Variants in TCEA1 observed in about 807,000 individuals in gnomAD.
TCEA1 encodes the protein transcription elongation factor A protein 1.
Under a neutral mutation model 43.8 loss-of-function variants are expected in TCEA1, and 21 were observed. That is an observed-to-expected ratio of 0.48 (90% CI 0.34 to 0.69). TCEA1 has a LOEUF of 0.69. TCEA1 is among the 30% of genes least tolerant of loss of function. TCEA1 has a pLI of 0.01. For missense variants in TCEA1, 250 were observed against 365.1 expected, an observed-to-expected ratio of 0.68 and a Z score of 2.57; for synonymous variants, 104 against 117.5, an observed-to-expected ratio of 0.88 and a Z score of 0.75.
At chr8:54,001,977 TAA>T (rs57672283) in intron 2 of TCEA1, among the ~76,000 whole-genome samples, 8 of 138,666 alleles carry the variant, frequency 5.8e-5, no homozygotes, top group African/African-American at 1.3e-4. Flanking sequence ...CTGTCTCTAC[TAA>T]AAAAAAAAAA....
At chr8:54,012,421 G>T (rs112558123) in intron 1 of TCEA1, among the ~76,000 whole-genome samples, 1 of 152,042 alleles carries the variant, frequency 6.6e-6, no homozygotes, top group African/African-American at 2.4e-5. Context: ...TTAGCTGGGC[G>T]TGGTGGCGGG....
At chr8:53,989,067 C>CAA (rs1012319832) in intron 4 of TCEA1, among the ~76,000 whole-genome samples, 8 of 136,002 alleles carry the variant, frequency 5.9e-5, no homozygotes, top group Non-Finnish European at 9.6e-5. Context: ...GACTCCACCT[C>CAA]AAAAAAAAAA....
At chr8:54,003,381 C>A (rs1385185298) in intron 2 of TCEA1, among the ~76,000 whole-genome samples, 1 of 152,048 alleles carries the variant, frequency 6.6e-6, no homozygotes, top group South Asian at 2.1e-4. Context: ...AAAGTCCATA[C>A]AGAAATGCAA....
At chr8:54,014,625 C>T (rs1431652232) in intron 1 of TCEA1, among the ~76,000 whole-genome samples, 1 of 152,186 alleles carries the variant, frequency 6.6e-6, no homozygotes, top group South Asian at 2.1e-4. Flanking sequence ...GTTGGTGCTC[C>T]TATCTGGTAA....
chr8:53,990,031 A>G (rs1190843954), intron 4 of TCEA1, among the ~76,000 whole-genome samples: 3 of 152,158 alleles, frequency 2.0e-5, no homozygotes, highest in Non-Finnish European at 4.4e-5. Flanking sequence ...CCCAGGGTCT[A>G]CAAAAAGAGT....
intron 2 of TCEA1, chr8:54,003,184 A>AC: frequency 2.5e-6 from 1 of 394,766 alleles, no homozygotes; most frequent in South Asian, 1.8e-5. Flanking sequence ...AAAGAAACAC[A>AC]CAGCTACTAT....
chr8:53,985,340 G>C (rs577543761), intron 6 of TCEA1, among the ~76,000 whole-genome samples: 1 of 152,284 alleles, frequency 6.6e-6, no homozygotes, highest in Non-Finnish European at 1.5e-5. Context: ...TTTCCTAAAT[G>C]TTTAGTGCCA....
chr8:53,982,427 G>A (rs1037165452), intron 7 of TCEA1, among the ~76,000 whole-genome samples: 1 of 151,938 alleles, frequency 6.6e-6, no homozygotes, highest in Non-Finnish European at 1.5e-5. Flanking sequence ...GCCCAACATG[G>A]TGAAACCCTG....
At chr8:53,979,303 A>G (rs1308299786) in intron 7 of TCEA1, 132 bp from the exon 8 acceptor site, 7 of 1,034,330 alleles carry the variant, frequency 6.8e-6, no homozygotes, top group African/African-American at 6.4e-5. Context: ...CATTAAATTA[A>G]TATTTTTCCT....
chr8:53,993,419 T>G lies in TCEA1; in HGVS notation c.320+249A>C, dbSNP rs537132669. 8.4e-4 allele frequency: 248 copies of G among 295,294 alleles called. 1 individual carries two copies. The highest frequency in any genetic ancestry group is 5.0e-3 in the African/African-American group (229 of 45,800). 18.3% of individuals were successfully genotyped at this position (295,294 alleles called of 1,614,324 possible). On this transcript the variant is annotated intron_variant, in intron 4 of 9. Coordinates refer to ENST00000521604, the MANE Select transcript of TCEA1 (RefSeq NM_006756.4). ...ATTCCATCAGTGCCTACCCCAGCAATCCCATTCAATTAAACTTGTTGAGTA... is the reference window on the plus strand; with the variant it reads ...ATTCCATCAGTGCCTACCCCAGCAAGCCCATTCAATTAAACTTGTTGAGTA...
At chr8:53,986,828 G>A in intron 6 of TCEA1, 141 bp downstream of exon 6, 2 of 637,258 alleles carry the variant, frequency 3.1e-6, no homozygotes, top group Non-Finnish European at 5.4e-6. Flanking sequence ...TTCTGCTTCT[G>A]TTTTCTCTCT....
At chr8:53,971,217 A>G (rs534941266) in intron 8 of TCEA1, 12 of 152,394 alleles carry the variant, frequency 7.9e-5, no homozygotes, top group Admixed American at 2.0e-4. Flanking sequence ...CAGCAAGATC[A>G]AAAGTTAAAA....
At chr8:53,998,982 A>G (rs1271396225) in intron 3 of TCEA1, among the ~76,000 whole-genome samples, 2 of 152,202 alleles carry the variant, frequency 1.3e-5, no homozygotes, top group Non-Finnish European at 2.9e-5. Context: ...TAATCCCAGC[A>G]CTTTGGGAGG....
chr8:53,988,027 A>G, intron 5 of TCEA1, 87 bp downstream of exon 5: 1 of 1,503,464 alleles, frequency 6.7e-7, no homozygotes, highest in Non-Finnish European at 8.9e-7. Context: ...ACAGGGTAAC[A>G]CTCATCAAAC....
intron 3 of TCEA1, among the ~76,000 whole-genome samples, chr8:53,999,138 T>C (rs1024428822): frequency 3.5e-5 from 5 of 141,940 alleles, no homozygotes; most frequent in South Asian, 2.2e-4. Flanking sequence ...TGAGGCAGAA[T>C]GGCATGAACC....
intron 2 of TCEA1, among the ~76,000 whole-genome samples, chr8:54,002,509 G>A (rs544189428): frequency 1.3e-4 from 19 of 149,316 alleles, no homozygotes; most frequent in African/African-American, 3.9e-4. Context: ...TGCTGAGGTA[G>A]AATGAAAAAC....
chr8:54,002,638 G>A (rs1804308747), intron 2 of TCEA1, among the ~76,000 whole-genome samples: 1 of 151,600 alleles, frequency 6.6e-6, no homozygotes, highest in African/African-American at 2.4e-5. Context: ...GTCTGAAGTT[G>A]ACTCTATGAA....
chr8:53,989,662 A>G (rs1803809997), intron 4 of TCEA1, among the ~76,000 whole-genome samples: 3 of 152,118 alleles, frequency 2.0e-5, no homozygotes, highest in Non-Finnish European at 4.4e-5. Flanking sequence ...AAAAACTAGG[A>G]TTTACTTTTC....
At chr8:54,015,179 T>A (rs571131520) in intron 1 of TCEA1, among the ~76,000 whole-genome samples, 217 of 150,192 alleles carry the variant, frequency 1.4e-3, no homozygotes, top group African/African-American at 5.2e-3. Context: ...ATTATCCATT[T>A]TTTTTTTTTT....
Sources: gnomAD v4.1 joint callset for allele counts (sites outside exome capture counted in the v4.1 genomes callset) on GRCh38, gnomAD v4.1.1 for gene constraint, MANE v1.5 for transcripts, NCBI Gene and HGNC (gene_info 2026-07-23, HGNC 2026-07-21) for gene names.